AKAP7: variants seen among roughly 807,000 people sequenced by gnomAD.
AKAP7 encodes A-kinase anchoring protein 7.
In AKAP7, 39 loss-of-function variants were observed where a neutral mutation model predicts 39.5. The ratio of observed to expected loss-of-function variants is 0.99; its 90% CI spans 0.76 to 1.29. The LOEUF (loss-of-function observed/expected upper bound fraction) is 1.29. Among genes scored for constraint, AKAP7 ranks in the 50% most tolerant of loss-of-function variants. The pLI is 0.00. For missense variants in AKAP7, 414 were observed against 407.7 expected (o/e 1.02, Z -0.13); for synonymous variants, 140 against 139.1 (o/e 1.01, Z -0.05).
At chr6:131,276,861 A>C (rs954168034) in intron 7 of AKAP7, among the ~76,000 whole-genome samples, 1 of 152,068 alleles carries the variant, frequency 6.6e-6, no homozygotes, top group Admixed American at 6.6e-5. Context: ...GGCAATGGGC[A>C]GGGTGTGTGA....
upstream of AKAP7, among the ~76,000 whole-genome samples, chr6:131,134,978 C>T (rs1334825334): frequency 6.6e-6 from 1 of 152,144 alleles, no homozygotes; most frequent in Non-Finnish European, 1.5e-5. Flanking sequence ...ACTACAAGAA[C>T]CAGCAACTGG....
At chr6:131,217,126 C>T (rs1490712671) in intron 6 of AKAP7, among the ~76,000 whole-genome samples, 2 of 152,152 alleles carry the variant, frequency 1.3e-5, no homozygotes, top group Non-Finnish European at 2.9e-5. Context: ...TGGGGGTCCA[C>T]AACCTGAAAA....
intron 7 of AKAP7, among the ~76,000 whole-genome samples, chr6:131,241,607 G>GTATATATATATATA (rs888353051): frequency 7.7e-6 from 1 of 129,954 alleles, no homozygotes; most frequent in Non-Finnish European, 1.7e-5. Context: ...GTGTGTGTGT[G>GTATATATATATATA]TGTGTGTGTG....
In AKAP7 at chr6:131,207,491, A is replaced by ATTTTTTTTTTTTTTTTTTTT. The variant is rs531582478; in HGVS notation, c.702+7925_702+7944dup. ...TGCACACCATGCCTGGCTAATTAAA[A>ATTTTTTTTTTTTTTTTTTTT]TTTTTTTTTTTTTTTTTTTTTTTTT... On this transcript the variant is annotated intron_variant, in intron 6 of 7. Coordinates refer to ENST00000431975, the MANE Select transcript of AKAP7 (RefSeq NM_016377.4). Among the ~76,000 whole-genome samples, 240 of 78,778 alleles carry ATTTTTTTTTTTTTTTTTTTT rather than the reference A, an allele frequency of 3.0e-3. 24 individuals carry two copies. The highest frequency in any genetic ancestry group is 3.7e-3 in the Non-Finnish European group (145 of 39,018). 51.7% of individuals were successfully genotyped at this position (78,778 alleles called of 152,430 possible). A position where few individuals can be genotyped will look rare whatever the true frequency, so the allele number is the denominator to read the frequency against.
chr6:131,281,797 C>T lies in AKAP7; in HGVS notation c.*71C>T, dbSNP rs897415031. ...TCCCTCTGCTGAGTCTAGGGACTGA[C>T]TTGCAGCGTGCTGTTTAAGTTAAGT... On this transcript the variant is annotated 3_prime_UTR_variant, in exon 8 of 8. Coordinates refer to ENST00000431975, the MANE Select transcript of AKAP7 (RefSeq NM_016377.4). The surrounding 1 kb of genome is among the most constrained non-coding windows in gnomAD (Gnocchi z 4.0). 9.2e-6 allele frequency: 13 copies of T among 1,412,346 alleles called. No homozygotes were observed. The highest frequency in any genetic ancestry group is 1.0e-5 in the Non-Finnish European group (11 of 1,078,910). The allele number at this position is 1,412,346 out of a possible 1,614,324, so 87.5% of individuals were successfully genotyped here. A position where few individuals can be genotyped will look rare whatever the true frequency, so the allele number is the denominator to read the frequency against.
chr6:131,178,362 A>G (rs1266114339), intron 5 of AKAP7, among the ~76,000 whole-genome samples: 1 of 152,252 alleles, frequency 6.6e-6, no homozygotes, highest in Non-Finnish European at 1.5e-5. Flanking sequence ...CGAAGTGCTT[A>G]GCACAGTATT....
chr6:131,237,292 G>C (rs1004972477), intron 7 of AKAP7, among the ~76,000 whole-genome samples: 1 of 152,162 alleles, frequency 6.6e-6, no homozygotes, highest in African/African-American at 2.4e-5. Context: ...TTGATGTGCT[G>C]CTGGATTCGG....
chr6:131,183,106 C>T (rs184958785), intron 5 of AKAP7, among the ~76,000 whole-genome samples: 2 of 152,116 alleles, frequency 1.3e-5, no homozygotes, highest in Admixed American at 6.5e-5. Flanking sequence ...TGTGTAAAAA[C>T]GTTTATGTTT....
intron 7 of AKAP7, among the ~76,000 whole-genome samples, chr6:131,241,569 T>TTATATA (rs761745804): frequency 0.012 from 1,121 of 95,288 alleles, 21 homozygotes; most frequent in Non-Finnish European, 0.017. Flanking sequence ...AGGACATAGA[T>TTATATA]TATATATATG....
intron 1 of AKAP7, among the ~76,000 whole-genome samples, chr6:131,138,532 G>A (rs912790741): frequency 3.3e-5 from 5 of 152,124 alleles, no homozygotes; most frequent in Admixed American, 1.3e-4. Flanking sequence ...GAAGAACATC[G>A]GAAGAATATT....
intron 6 of AKAP7, among the ~76,000 whole-genome samples, chr6:131,203,435 T>C (rs952932316): frequency 3.3e-5 from 5 of 152,008 alleles, no homozygotes; most frequent in Admixed American, 2.6e-4. Context: ...AAGAAGGGAG[T>C]GGCGAAATAA....
At chr6:131,161,644 C>CAAAA (rs55744190) in intron 3 of AKAP7, among the ~76,000 whole-genome samples, 541 of 33,628 alleles carry the variant, frequency 0.016, 91 homozygotes, top group Non-Finnish European at 0.021. Flanking sequence ...GACTGTATCT[C>CAAAA]AAAAAAAAAA....
chr6:131,167,755 T>C (rs1803648759), intron 4 of AKAP7, among the ~76,000 whole-genome samples: 1 of 152,112 alleles, frequency 6.6e-6, no homozygotes, highest in South Asian at 2.1e-4. Flanking sequence ...AGCTATGTAA[T>C]TTTTCAGAGA....
At chr6:131,219,398 T>C (rs2128297468) in intron 6 of AKAP7, among the ~76,000 whole-genome samples, 1 of 152,326 alleles carries the variant, frequency 6.6e-6, no homozygotes, top group Non-Finnish European at 1.5e-5. Flanking sequence ...TTTCTGGAGC[T>C]TAAAATGTAT....
chr6:131,173,200 C>CAAA (rs67550717), intron 5 of AKAP7, among the ~76,000 whole-genome samples: 1 of 108,936 alleles, frequency 9.2e-6, no homozygotes, highest in Non-Finnish European at 1.9e-5. Flanking sequence ...GACTCCATCT[C>CAAA]AAAAAAAAAA....
intron 7 of AKAP7, among the ~76,000 whole-genome samples, chr6:131,276,658 A>G (rs1365767177): frequency 6.6e-6 from 1 of 152,176 alleles, no homozygotes; most frequent in Non-Finnish European, 1.5e-5. Flanking sequence ...CAGATACCAA[A>G]TGAGGTTTCT....
chr6:131,176,853 T>A lies in AKAP7; in HGVS notation c.589+7580T>A, dbSNP rs184162915. 1.4e-4 allele frequency among the ~76,000 whole-genome samples: 22 copies of A among 152,258 alleles called. No homozygotes were observed. The East Asian group carries it at 3.7e-3, about 25-fold the overall frequency. The stretch of plus-strand genomic sequence containing the variant: ...GGGTGTCCCAGCAGCCTGCTAACCG[T>A]TCCCCTAATGGCTTGGGCTACGCTT... On this transcript the variant is annotated intron_variant, in intron 5 of 7. Transcript: ENST00000431975.
At chr6:131,266,013 C>A (rs1813769073) in intron 7 of AKAP7, among the ~76,000 whole-genome samples, 2 of 152,122 alleles carry the variant, frequency 1.3e-5, no homozygotes, top group Non-Finnish European at 2.9e-5. Flanking sequence ...GAGCAGGACA[C>A]TAGATCTTGG....
intron 7 of AKAP7, among the ~76,000 whole-genome samples, chr6:131,240,746 A>G (rs1300810899): frequency 6.6e-6 from 1 of 152,094 alleles, no homozygotes; most frequent in Non-Finnish European, 1.5e-5. Flanking sequence ...GTTTGCTAAG[A>G]CTGTTGGAAA....
Sources: allele counts gnomAD v4.1 joint callset (sites outside exome capture counted in the v4.1 genomes callset), GRCh38; gene constraint gnomAD v4.1.1; non-coding constraint Gnocchi (gnomAD v3.1); transcripts MANE v1.5; gene names NCBI Gene and HGNC (gene_info 2026-07-23, HGNC 2026-07-21).